Variants in SLC7A14 observed in about 807,000 individuals in gnomAD.
The protein encoded by SLC7A14 is gamma-aminobutyric acid transporter SLC7A14.
In SLC7A14, 37 loss-of-function variants were observed where a neutral mutation model predicts 60.2. The ratio of observed to expected loss-of-function variants is 0.61; its 90% confidence interval spans 0.47 to 0.81. The LOEUF is 0.81. Ranked by LOEUF, SLC7A14 falls within the 30% of genes least tolerant of loss-of-function variation. The pLI is 0.00. For missense variants in SLC7A14, 886 were observed against 982.7 expected (o/e 0.90, Z 1.32); for synonymous variants, 399 against 395.8 (o/e 1.01, Z -0.10).
At chr3:170,482,452 C>T (rs530248938) in intron 6 of SLC7A14, among the ~76,000 whole-genome samples, 16 of 152,318 alleles carry the variant, frequency 1.1e-4, no homozygotes, top group East Asian at 7.7e-4. Context: ...GTCCCTGAAC[C>T]GGCCCCCTCT....
At chr3:170,559,305 A>C (rs554490442) in intron 1 of SLC7A14, among the ~76,000 whole-genome samples, 14 of 152,320 alleles carry the variant, frequency 9.2e-5, no homozygotes, top group African/African-American at 3.4e-4. Flanking sequence ...AAATATCAGA[A>C]AAGATATTTC....
chr3:170,467,458 A>G, intron 7 of SLC7A14, 81 bp from the exon 8 acceptor site: 1 of 329,366 alleles, frequency 3.0e-6, no homozygotes, highest in South Asian at 7.7e-5. Flanking sequence ...ACCTTCAGTG[A>G]TGAAATCAAA....
chr3:170,520,024 G>A (rs1713296157), intron 2 of SLC7A14, among the ~76,000 whole-genome samples: 1 of 152,184 alleles, frequency 6.6e-6, no homozygotes, highest in Non-Finnish European at 1.5e-5. Context: ...CTTGTACACA[G>A]GACAGAAATG....
chr3:170,480,419 G>A lies in SLC7A14; in HGVS notation c.1863C>T (p.Asn621=), dbSNP rs904699748. ...LVFVILQQPE[N]PKKLPYMAPC... ...GGGCCATGTAGGGCAGCTTCTTGGG[G>A]TTCTCTGGCTGCTGCAGGATCACAA... is the stretch of plus-strand genomic sequence containing the variant. The change falls in exon 7 of 8, where the codon AAC becomes AAT. Residue 621 remains asparagine (N), a synonymous_variant. Transcript: ENST00000231706. 1.1e-5 allele frequency: 17 copies of A among 1,613,482 alleles called. No individual in the cohort carries two copies. Among genetic ancestry groups the A allele is most frequent in the African/African-American group, 1.3e-5 (1 of 74,924 alleles).
At chr3:170,569,741 G>A (rs976062394) in intron 1 of SLC7A14, among the ~76,000 whole-genome samples, 2 of 152,088 alleles carry the variant, frequency 1.3e-5, no homozygotes, top group African/African-American at 2.4e-5. Flanking sequence ...AGTCTTGGGA[G>A]GGTGTATGTG....
chr3:170,495,522 G>A (rs557052425), intron 4 of SLC7A14: 1 of 737,320 alleles, frequency 1.4e-6, no homozygotes, highest in South Asian at 1.6e-5. Context: ...TTACACGAAT[G>A]GGCCTGGTGC....
At chr3:170,571,812 G>A (rs1181609037) in intron 1 of SLC7A14, among the ~76,000 whole-genome samples, 2 of 152,128 alleles carry the variant, frequency 1.3e-5, no homozygotes, top group Admixed American at 1.3e-4. Flanking sequence ...TGTAATCCCA[G>A]CACTTTGGGA....
chr3:170,503,494 A>G (rs1050603848), intron 2 of SLC7A14, among the ~76,000 whole-genome samples: 6 of 152,132 alleles, frequency 3.9e-5, no homozygotes, highest in Non-Finnish European at 8.8e-5. Context: ...TTGCTCTTTC[A>G]GTGATGTGTG....
chr3:170,576,457 G>A (rs140965143), intron 1 of SLC7A14, among the ~76,000 whole-genome samples: 16 of 152,306 alleles, frequency 1.1e-4, no homozygotes, highest in African/African-American at 3.6e-4. Flanking sequence ...CCCTGCAGAG[G>A]TTGGAGGAGG....
At chr3:170,563,275 G>A (rs1394707494) in intron 1 of SLC7A14, among the ~76,000 whole-genome samples, 1 of 151,900 alleles carries the variant, frequency 6.6e-6, no homozygotes, top group African/African-American at 2.4e-5. Flanking sequence ...GCACACATCT[G>A]CTGTCTCATA....
chr3:170,493,914 A>G (rs1712301592), intron 4 of SLC7A14, among the ~76,000 whole-genome samples: 1 of 152,228 alleles, frequency 6.6e-6, no homozygotes, highest in Non-Finnish European at 1.5e-5. Flanking sequence ...TCACTAGGAC[A>G]TATATCATCC....
chr3:170,550,756 A>G (rs1714326157), intron 1 of SLC7A14, among the ~76,000 whole-genome samples: 1 of 151,782 alleles, frequency 6.6e-6, no homozygotes, highest in Non-Finnish European at 1.5e-5. Flanking sequence ...TCCTGACCTC[A>G]GGTGATCTGC....
intron 1 of SLC7A14, among the ~76,000 whole-genome samples, chr3:170,576,966 A>G: frequency 6.6e-6 from 1 of 152,202 alleles, no homozygotes; most frequent in East Asian, 1.9e-4. Context: ...ACAAATTTAA[A>G]TCCAAGCTCT....
chr3:170,490,563 A>G (rs936243506), intron 4 of SLC7A14, among the ~76,000 whole-genome samples: 2 of 152,226 alleles, frequency 1.3e-5, no homozygotes, highest in African/African-American at 2.4e-5. Flanking sequence ...TGAAGAGCAG[A>G]AGACTCAGTG....
chr3:170,530,644 G>T (rs1713649558), intron 1 of SLC7A14, among the ~76,000 whole-genome samples: 1 of 152,220 alleles, frequency 6.6e-6, no homozygotes, highest in Admixed American at 6.5e-5. Context: ...AAAGCTCATT[G>T]TAGCTGCGGC....
At chr3:170,555,258 C>T (rs1404943765) in intron 1 of SLC7A14, among the ~76,000 whole-genome samples, 2 of 151,644 alleles carry the variant, frequency 1.3e-5, no homozygotes, top group Non-Finnish European at 2.9e-5. Context: ...TTGGGAAATA[C>T]AGGGAGTGTG....
chr3:170,527,078 G>T lies in SLC7A14; in HGVS notation c.-142C>A. The stretch of plus-strand genomic sequence containing the variant: ...AGGGACCCAGTGCAGCCTTCTCCTG[G>T]GCATGAATGTCTGCAGGAAAAACAC... On this transcript the variant is annotated 5_prime_UTR_variant, in exon 2 of 8. Coordinates refer to ENST00000231706, the MANE Select transcript of SLC7A14 (RefSeq NM_020949.3). 1 of 831,098 alleles carries T rather than the reference G, an allele frequency of 1.2e-6. No individual in the cohort carries two copies. The allele number at this position is 831,098 out of a possible 1,614,324, so 51.5% of individuals were successfully genotyped here.
intron 1 of SLC7A14, among the ~76,000 whole-genome samples, chr3:170,534,831 T>C (rs1430833743): frequency 2.6e-5 from 4 of 152,224 alleles, no homozygotes; most frequent in Admixed American, 1.3e-4. Flanking sequence ...TGGGACAATA[T>C]TTCTACTGAC....
chr3:170,461,264 TC>T lies in SLC7A14; in HGVS notation c.*5790del. 1 of 152,334 alleles carries T rather than the reference TC, an allele frequency of 6.6e-6. No homozygotes were observed. The highest frequency in any genetic ancestry group is 2.1e-4 in the South Asian group (1 of 4,832). The allele number at this position is 152,334 out of a possible 1,614,324, so 9.4% of individuals were successfully genotyped here. A position where few individuals can be genotyped will look rare whatever the true frequency, so the allele number is the denominator to read the frequency against. On this transcript the variant is annotated 3_prime_UTR_variant, in exon 8 of 8. Coordinates refer to ENST00000231706, the MANE Select transcript of SLC7A14 (RefSeq NM_020949.3). ...TTAGTTGATACTGCAGAACACATAT[TC>T]ACCTTTGATGGGCTACAAAACTTCC...
Sources: allele counts gnomAD v4.1 joint callset (sites outside exome capture counted in the v4.1 genomes callset), GRCh38; gene constraint gnomAD v4.1.1; transcripts MANE v1.5; gene names NCBI Gene and HGNC (gene_info 2026-07-23, HGNC 2026-07-21).